Variants in COPE observed in about 807,000 individuals in gnomAD.
COPE encodes the protein coatomer subunit epsilon.
Under a neutral mutation model 42.1 loss-of-function variants are expected in COPE, and 19 were observed. That is an observed-to-expected ratio of 0.45 (90% confidence interval 0.31 to 0.66). The LOEUF (loss-of-function observed/expected upper bound fraction) is 0.66. Ranked by LOEUF, COPE falls within the 30% of genes least tolerant of loss-of-function variation. The probability of loss-of-function intolerance (pLI) is 0.05; values close to 1 mark genes in which losing one functional copy is unlikely to be tolerated. For synonymous variants in COPE, 195 were observed against 181.3 expected (o/e 1.08, Z -0.60); for missense variants, 402 against 416.1 (o/e 0.97, Z 0.30).
chr19:18,913,173 A>G, intron 1 of COPE, 127 bp from the exon 2 acceptor site: 1 of 803,158 alleles, frequency 1.2e-6, no homozygotes, highest in Non-Finnish European at 2.1e-6. Flanking sequence ...TGGAGGTCTG[A>G]GTCCCAGCCC....
intron 9 of COPE, 57 bp from the exon 10 acceptor site, chr19:18,899,783 A>G (rs1168742587): frequency 6.8e-6 from 11 of 1,610,872 alleles, no homozygotes; most frequent in Middle Eastern, 1.6e-4. Flanking sequence ...AGACAGGTGG[A>G]GGGAGAGAGA....
At chr19:18,907,206 G>T in intron 3 of COPE, 94 bp from the exon 4 acceptor site, 1 of 1,388,118 alleles carries the variant, frequency 7.2e-7, no homozygotes, top group Non-Finnish European at 9.7e-7. Context: ...GTCCAGAGAG[G>T]GTGAGCCAGG....
In COPE at chr19:18,907,103, G is replaced by A. The variant is rs776760562; in HGVS notation, c.300C>T (p.Ile100=). The part of the protein sequence containing the change: ...YLAHESRRDS[I]VAELDREMSR... ...TCATCTCTCGGTCCAGCTCGGCCAC[G>A]ATGCTGTCCCTGCAAGACAGAGATG... is the stretch of plus-strand genomic sequence containing the variant. The change falls in exon 4 of 10, where the codon ATC becomes ATT. Residue 100 remains isoleucine, a synonymous_variant. Coordinates refer to ENST00000262812, the MANE Select transcript of COPE (RefSeq NM_007263.4). 28 of 1,611,792 alleles carry A rather than the reference G, an allele frequency of 1.7e-5. No individual in the cohort carries two copies. Among genetic ancestry groups the A allele is most frequent in the Admixed American group, 1.2e-4 (7 of 59,880 alleles).
At chr19:18,904,724 C>A (rs1181827238) in intron 6 of COPE, 47 bp downstream of exon 6, 3 of 1,516,870 alleles carry the variant, frequency 2.0e-6, no homozygotes, top group South Asian at 2.4e-5. Context: ...AGACCCTGCT[C>A]AGCCAGGTGC....
Position 18,899,620 on chromosome 19 carries a change from G to T in COPE, c.*59C>A, listed in dbSNP as rs1053663056. The T allele has an allele frequency of 6.3e-7, 1 of 1,596,610 alleles. No homozygotes were observed. Among genetic ancestry groups the T allele is most frequent in the Non-Finnish European group, 8.6e-7 (1 of 1,165,678 alleles). On this transcript the variant is annotated 3_prime_UTR_variant, in exon 10 of 10. Transcript: ENST00000262812. ...AGGTGGATGCCGGGTGGGGAGGGCT[G>T]CAGGGCTGGCTCCTGGCCTCTGTCC...
At chr19:18,912,887 T>C in intron 2 of COPE, 97 bp downstream of exon 2, 1 of 1,227,018 alleles carries the variant, frequency 8.1e-7, no homozygotes, top group Non-Finnish European at 1.2e-6. Flanking sequence ...CTGCTTTGTT[T>C]ACTGTCCCCG....
chr19:18,901,726 T>G (rs2056700626), intron 7 of COPE, among the ~76,000 whole-genome samples: 1 of 151,988 alleles, frequency 6.6e-6, no homozygotes, highest in Non-Finnish European at 1.5e-5. Flanking sequence ...AGCCCAGGAG[T>G]TCAAGACTAA....
intron 7 of COPE, among the ~76,000 whole-genome samples, chr19:18,901,389 G>T (rs2056697360): frequency 6.6e-6 from 1 of 152,254 alleles, no homozygotes; most frequent in Non-Finnish European, 1.5e-5. Flanking sequence ...CGCCAGTCTT[G>T]CCCCTGGGGC....
intron 1 of COPE, among the ~76,000 whole-genome samples, chr19:18,913,656 C>G (rs2056830723): frequency 6.6e-6 from 1 of 152,218 alleles, no homozygotes; most frequent in Non-Finnish European, 1.5e-5. Flanking sequence ...CGGAGGCTGG[C>G]TGACTTCCCA....
At position 18,899,879 on chromosome 19, in the gene COPE, C is replaced by T. The variant is rs2056679728; in HGVS notation, c.873G>A (p.Gln291=). The T allele has an allele frequency of 6.2e-6, 10 of 1,613,384 alleles. No individual in the cohort carries two copies. Among genetic ancestry groups the T allele is most frequent in the Non-Finnish European group, 8.5e-6 (10 of 1,179,758 alleles). ...GGCCATCCCCACCACTCACCTTGGC[C>T]TGGTACTCCTTGATGAAGGGATGGG... The part of the protein sequence containing the change: ...HRSHPFIKEY[Q]AKENDFDRLV... The change falls in exon 9 of 10, where the codon CAG becomes CAA. Residue 291 remains glutamine (Q), a synonymous_variant. Coordinates refer to ENST00000262812, the MANE Select transcript of COPE (RefSeq NM_007263.4).
At chr19:18,911,328 C>T (rs1266855758) in intron 2 of COPE, 4 of 500,328 alleles carry the variant, frequency 8.0e-6, no homozygotes, top group African/African-American at 3.9e-5. Flanking sequence ...ACTGTCTATC[C>T]CCTGGCAGCT....
chr19:18,903,466 C>T (rs376717636), intron 6 of COPE, 43 bp from the exon 7 acceptor site: 11 of 1,554,984 alleles, frequency 7.1e-6, no homozygotes, highest in East Asian at 4.7e-5. Context: ...CCCTGCTGCC[C>T]GGCCCTTCCC....
chr19:18,918,582 G>A (rs545594782), intron 1 of COPE, among the ~76,000 whole-genome samples: 131 of 152,216 alleles, frequency 8.6e-4, no homozygotes, highest in African/African-American at 3.0e-3. Context: ...GATTACAAGT[G>A]CCCGCCACCA....
chr19:18,914,077 C>T (rs2056833633), intron 1 of COPE, among the ~76,000 whole-genome samples: 1 of 152,084 alleles, frequency 6.6e-6, no homozygotes, highest in Admixed American at 6.6e-5. Context: ...CTGCTCAGGC[C>T]CTGGTAGCCA....
chr19:18,917,947 T>C (rs545731667), intron 1 of COPE, among the ~76,000 whole-genome samples: 126 of 151,672 alleles, frequency 8.3e-4, no homozygotes, highest in African/African-American at 3.0e-3. Context: ...TCCCAACACT[T>C]TGGTAGGCCA....
At chr19:18,912,426 G>C (rs2056818906) in intron 2 of COPE, among the ~76,000 whole-genome samples, 1 of 151,400 alleles carries the variant, frequency 6.6e-6, no homozygotes, top group South Asian at 2.1e-4. Context: ...TTACAGGTGT[G>C]AGCCACTGTG....
rs2056742895 is a variant in COPE, at chr19:18,904,796, G to C, written c.554C>G (p.Ala185Gly). Residue 185 changes from alanine to glycine, a missense_variant, in exon 6 of 10, where the codon GCC becomes GGC. Coordinates refer to ENST00000262812, the MANE Select transcript of COPE (RefSeq NM_007263.4). The part of the protein sequence containing the change: ...LDEDATLTQL[A>G]TAWVSLATGG... The stretch of plus-strand genomic sequence containing the variant: ...CGTGGCCAGGCTGACCCAGGCAGTG[G>C]CGAGCTGGGTGAGGGTGGCATCCTC... The C allele has an allele frequency of 1.9e-6, 3 of 1,554,366 alleles. No homozygotes were observed. The highest frequency in any genetic ancestry group is 2.4e-5 in the South Asian group (2 of 84,224).
At chr19:18,914,221 T>C (rs533463426) in intron 1 of COPE, among the ~76,000 whole-genome samples, 8 of 152,196 alleles carry the variant, frequency 5.3e-5, no homozygotes, top group African/African-American at 1.9e-4. Flanking sequence ...ACAGGTGAAA[T>C]ATGTACCTTT....
intron 7 of COPE, among the ~76,000 whole-genome samples, chr19:18,901,665 A>G (rs769332635): frequency 5.3e-5 from 8 of 152,244 alleles, no homozygotes; most frequent in Non-Finnish European, 1.0e-4. Flanking sequence ...GCACTGGCGC[A>G]TGTCTATCAT....
Sources: allele counts gnomAD v4.1 joint callset (sites outside exome capture counted in the v4.1 genomes callset), GRCh38; gene constraint gnomAD v4.1.1; transcripts MANE v1.5; gene names NCBI Gene and HGNC (gene_info 2026-07-23, HGNC 2026-07-21).